The following RTBDN variants were observed in gnomAD, a reference collection of about 807,000 sequenced individuals.
RTBDN encodes retbindin.
In RTBDN, 24 loss-of-function variants were observed where a neutral mutation model predicts 21.9. The observed-to-expected ratio is 1.10, with a 90% CI of 0.79 to 1.54. The LOEUF is 1.54. RTBDN is among the 40% of genes most tolerant of loss of function. The pLI is 0.00. For missense variants in RTBDN, 325 were observed against 315.2 expected (o/e 1.03, Z -0.23); for synonymous variants, 141 against 125.9 (o/e 1.12, Z -0.80).
Position 12,825,770 on chromosome 19 carries a change from G to T in RTBDN, c.626C>A (p.Pro209His). 1 of 1,610,144 alleles carries T rather than the reference G, an allele frequency of 6.2e-7. No individual in the cohort carries two copies. The highest frequency in any genetic ancestry group is 8.5e-7 in the Non-Finnish European group (1 of 1,177,970). The change falls in exon 6 of 6, where the codon CCT becomes CAT. Residue 209 changes from proline to histidine, a missense_variant. Coordinates refer to ENST00000674343, the MANE Select transcript of RTBDN (RefSeq NM_001270441.2). The stretch of plus-strand genomic sequence containing the variant: ...CGCAGCGTCCAGGATGGAGGTGCGA[G>T]GGCTGCGGGAACGCCGGGAGGGAGC... ...REAPSRRSRS[P>H]RTSILDAAGS...
intron 4 of RTBDN, among the ~76,000 whole-genome samples, chr19:12,827,480 G>T (rs928635838): frequency 2.0e-5 from 3 of 151,440 alleles, no homozygotes; most frequent in Non-Finnish European, 2.9e-5. Flanking sequence ...CCACCACCAC[G>T]CCTGGCTCAT....
rs1048589004 is a variant in RTBDN, at chr19:12,825,528, G to A, written c.*178C>T. 3 of 964,708 alleles carry A rather than the reference G, an allele frequency of 3.1e-6. No individual in the cohort carries two copies. Among genetic ancestry groups the A allele is most frequent in the Non-Finnish European group, 4.4e-6 (3 of 683,826 alleles). 59.8% of individuals were successfully genotyped at this position (964,708 alleles called of 1,614,324 possible). A position where few individuals can be genotyped will look rare whatever the true frequency, so the allele number is the denominator to read the frequency against. ...TCAAAGGGGAGAGGGAAAAGTGAGA[G>A]AGTTGGGTCATTTCTGGGATAACCT... On this transcript the variant is annotated 3_prime_UTR_variant, in exon 6 of 6. Coordinates refer to ENST00000674343, the MANE Select transcript of RTBDN (RefSeq NM_001270441.2).
chr19:12,834,158 C>A lies in RTBDN; in HGVS notation c.-19+331G>T, dbSNP rs1204687314. On this transcript the variant is annotated intron_variant, in intron 1 of 5. Coordinates refer to ENST00000674343, the MANE Select transcript of RTBDN (RefSeq NM_001270441.2). The surrounding 1 kb of genome is among the most constrained non-coding windows in gnomAD (Gnocchi z 4.7). Reference sequence around the variant, plus strand: ...AACCGCGGGGAACGCTGTGGCCGCGCGTCCCGCCGCGCTGGGGACCCCGCC... The same window carrying A: ...AACCGCGGGGAACGCTGTGGCCGCGAGTCCCGCCGCGCTGGGGACCCCGCC... Among the ~76,000 whole-genome samples, 1 of 152,104 alleles carries A rather than the reference C, an allele frequency of 6.6e-6. No homozygotes were observed. Among genetic ancestry groups the A allele is most frequent in the Admixed American group, 6.5e-5 (1 of 15,282 alleles).
upstream of RTBDN, chr19:12,835,210 T>A (rs1280358915): frequency 3.8e-6 from 4 of 1,040,718 alleles, no homozygotes; most frequent in Non-Finnish European, 5.9e-6. Context: ...TCCAGGCGTC[T>A]GGGTAACGCC....
intron 2 of RTBDN, 96 bp downstream of exon 2, chr19:12,829,715 G>T: frequency 7.5e-7 from 1 of 1,332,054 alleles, no homozygotes; most frequent in Non-Finnish European, 1.0e-6. Flanking sequence ...TGGTGGCCAT[G>T]CTAGGCCCCT....
At chr19:12,825,984 G>C in intron 5 of RTBDN, 51 bp from the exon 6 acceptor site, 1 of 1,498,598 alleles carries the variant, frequency 6.7e-7, no homozygotes, top group South Asian at 1.3e-5. Flanking sequence ...AGAGACGTGG[G>C]GGGCGTGGCC....
chr19:12,827,811 T>C (rs1969373587), intron 4 of RTBDN, among the ~76,000 whole-genome samples: 1 of 152,004 alleles, frequency 6.6e-6, no homozygotes, highest in African/African-American at 2.4e-5. Context: ...TCTCAGGGCC[T>C]GGCTGGGCAT....
In RTBDN at chr19:12,825,912, G is replaced by T; in HGVS notation, c.484C>A (p.Leu162Ile). 6.3e-7 allele frequency: 1 copy of T among 1,597,560 alleles called. No homozygotes were observed. The highest frequency in any genetic ancestry group is 8.5e-7 in the Non-Finnish European group (1 of 1,169,930). Residue 162 changes from leucine (L) to isoleucine (I), a missense_variant, in exon 6 of 6, where the codon CTT (leucine) becomes ATT (isoleucine). Transcript: ENST00000674343. Reference protein sequence around the residue: ...YGQTFADGTDLCRSALGHALP... With the variant: ...YGQTFADGTDICRSALGHALP... Reference sequence around the variant, plus strand: ...GCGTGGCCCAGAGCCGAGCGACAAAGGTCCGTCCCGTCTGCGAAGGTCTAG... The same window carrying T: ...GCGTGGCCCAGAGCCGAGCGACAAATGTCCGTCCCGTCTGCGAAGGTCTAG...
chr19:12,828,463 C>T (rs974388930), intron 4 of RTBDN, among the ~76,000 whole-genome samples, 194 bp downstream of exon 4: 1 of 152,208 alleles, frequency 6.6e-6, no homozygotes, highest in African/African-American at 2.4e-5. Context: ...TGCCATATGG[C>T]AGGTATCTTA....
chr19:12,830,181 GC>G lies in RTBDN; in HGVS notation c.-18-185del. 2 of 1,318,906 alleles carry G rather than the reference GC, an allele frequency of 1.5e-6. No individual in the cohort carries two copies. Among genetic ancestry groups the G allele is most frequent in the East Asian group, 5.3e-5 (2 of 37,798 alleles). The allele number at this position is 1,318,906 out of a possible 1,614,324, so 81.7% of individuals were successfully genotyped here. On this transcript the variant is annotated intron_variant, in intron 1 of 5. Coordinates refer to ENST00000674343, the MANE Select transcript of RTBDN (RefSeq NM_001270441.2). The surrounding 1 kb of genome is among the most constrained non-coding windows in gnomAD (Gnocchi z 4.2). ...ATCAGGGCCTGCCTCCAACCTAGGAGCCCCCCTCCCATCAGAACCATGTCCT... is the reference window on the plus strand; with the variant it reads ...ATCAGGGCCTGCCTCCAACCTAGGAGCCCCCTCCCATCAGAACCATGTCCT...
At chr19:12,835,003 T>C, upstream of RTBDN, 2 of 1,579,306 alleles carry the variant, frequency 1.3e-6, no homozygotes, top group Non-Finnish European at 1.7e-6. Flanking sequence ...AATCTGGAGT[T>C]TAGATAAAGC....
Position 12,830,119 on chromosome 19 carries a change from G to C in RTBDN, c.-18-122C>G, listed in dbSNP as rs1969510286. On this transcript the variant is annotated intron_variant, in intron 1 of 5. Coordinates refer to ENST00000674343, the MANE Select transcript of RTBDN (RefSeq NM_001270441.2). The surrounding 1 kb of genome is among the most constrained non-coding windows in gnomAD (Gnocchi z 4.2). Reference sequence around the variant, plus strand: ...GGAAAGTGCAGCTGAGGAGGAGGCTGGGGCAGTGGCCAAGGACGTTCAAAT... The same window carrying C: ...GGAAAGTGCAGCTGAGGAGGAGGCTCGGGCAGTGGCCAAGGACGTTCAAAT... The C allele has an allele frequency of 7.6e-7, 1 of 1,319,964 alleles. No homozygotes were observed. The highest frequency in any genetic ancestry group is 1.5e-5 in the African/African-American group (1 of 67,932). 81.8% of individuals were successfully genotyped at this position (1,319,964 alleles called of 1,614,324 possible).
At chr19:12,828,245 A>G (rs1232658291) in intron 4 of RTBDN, among the ~76,000 whole-genome samples, 1 of 151,890 alleles carries the variant, frequency 6.6e-6, no homozygotes, top group African/African-American at 2.4e-5. Context: ...AAAATACAAA[A>G]ATTAGCCGGG....
upstream of RTBDN, chr19:12,835,417 C>G (rs1166195074): frequency 1.2e-5 from 4 of 331,354 alleles, no homozygotes; most frequent in Non-Finnish European, 2.3e-5. Flanking sequence ...GGGTCCGCGC[C>G]GTCGGGTTTC....
chr19:12,826,081 T>C, intron 5 of RTBDN, 148 bp from the exon 6 acceptor site: 1 of 1,397,778 alleles, frequency 7.2e-7, no homozygotes, highest in East Asian at 2.8e-5. Context: ...GGAACGTGAG[T>C]GGGGGCAGGT....
chr19:12,833,341 G>T (rs1969644283), intron 1 of RTBDN, among the ~76,000 whole-genome samples: 1 of 151,746 alleles, frequency 6.6e-6, no homozygotes, highest in Non-Finnish European at 1.5e-5. Context: ...TCTCTGATTG[G>T]GGGTATCCTT....
In RTBDN at chr19:12,832,231, A is replaced by G. The variant is rs368129482; in HGVS notation, c.-18-2234T>C. On this transcript the variant is annotated intron_variant, in intron 1 of 5. Coordinates refer to ENST00000674343, the MANE Select transcript of RTBDN (RefSeq NM_001270441.2). ...GTTCGTGTGCCTCTCATCTCAGGGC[A>G]AGAGAGGCTTTTGTCTCTCTTTTAT... Among the ~76,000 whole-genome samples the G allele has an allele frequency of 4.6e-5, 7 of 152,252 alleles. 1 individual carries two copies. The highest frequency in any genetic ancestry group is 1.4e-4 in the African/African-American group (6 of 41,536).
rs1167416127 is a variant in RTBDN at position 12,834,456 on chromosome 19, C to T, written c.-19+33G>A. The T allele has an allele frequency of 2.0e-6, 3 of 1,499,906 alleles. No individual in the cohort carries two copies. The highest frequency in any genetic ancestry group is 2.7e-6 in the Non-Finnish European group (3 of 1,113,944). The allele number at this position is 1,499,906 out of a possible 1,614,324, so 92.9% of individuals were successfully genotyped here. On this transcript the variant is annotated intron_variant, in intron 1 of 5. Coordinates refer to ENST00000674343, the MANE Select transcript of RTBDN (RefSeq NM_001270441.2). This position sits in a 1 kb window ranked among gnomAD's most constrained non-coding sequence, Gnocchi z 4.7. ...CCTCACCACCCCAGGAGCCCCCTCCCGAGGCATAGGACGCCCTGCGTCCCC... is the reference window on the plus strand; with the variant it reads ...CCTCACCACCCCAGGAGCCCCCTCCTGAGGCATAGGACGCCCTGCGTCCCC...
intron 2 of RTBDN, 196 bp from the exon 3 acceptor site, chr19:12,829,149 T>C: frequency 1.1e-6 from 1 of 924,394 alleles, no homozygotes; most frequent in Non-Finnish European, 1.6e-6. Context: ...ATAATCAACT[T>C]ACTTGTCATG....
Sources: gnomAD v4.1 joint callset for allele counts (sites outside exome capture counted in the v4.1 genomes callset) on GRCh38, gnomAD v4.1.1 for gene constraint, Gnocchi (gnomAD v3.1) non-coding constraint, MANE v1.5 for transcripts, NCBI Gene and HGNC (gene_info 2026-07-23, HGNC 2026-07-21) for gene names.